The following GTF2I variants were observed in gnomAD, a reference collection of about 807,000 sequenced individuals.
The protein encoded by GTF2I is general transcription factor IIi, also known as general transcription factor II-I.
Under a neutral mutation model 67.6 loss-of-function variants are expected in GTF2I, and 12 were observed. The observed-to-expected ratio is 0.18, with a 90% CI of 0.11 to 0.29. GTF2I has a LOEUF of 0.29. Ranked by LOEUF, GTF2I falls within the 10% of genes least tolerant of loss-of-function variation. The probability of loss-of-function intolerance (pLI) is 1.00; values close to 1 mark genes in which losing one functional copy is unlikely to be tolerated. For missense variants in GTF2I, 271 were observed against 580.1 expected, an observed-to-expected ratio of 0.47 and a Z score of 5.47; for synonymous variants, 149 against 197.0, an observed-to-expected ratio of 0.76 and a Z score of 2.04.
At chr7:74,693,715 G>A (rs1051282199) in intron 3 of GTF2I, among the ~76,000 whole-genome samples, 14 of 152,140 alleles carry the variant, frequency 9.2e-5, no homozygotes, top group African/African-American at 2.7e-4. Flanking sequence ...GTGTGGTGGC[G>A]CGTGCTTGTA....
intron 1 of GTF2I, among the ~76,000 whole-genome samples, chr7:74,687,822 C>T (rs1229974257): frequency 2.6e-5 from 4 of 152,128 alleles, no homozygotes; most frequent in African/African-American, 7.2e-5. Flanking sequence ...TTTACAGTTA[C>T]TATTCTTGTT....
intron 1 of GTF2I, among the ~76,000 whole-genome samples, chr7:74,668,255 G>C (rs1554389340): frequency 7.3e-6 from 1 of 137,676 alleles, no homozygotes; most frequent in South Asian, 2.3e-4. Flanking sequence ...AAGTTCATCT[G>C]TGTGTTAGAA....
intron 1 of GTF2I, among the ~76,000 whole-genome samples, chr7:74,685,970 G>A (rs781884765): frequency 6.6e-6 from 1 of 151,756 alleles, no homozygotes; most frequent in Non-Finnish European, 1.5e-5. Flanking sequence ...GGAGAATGGC[G>A]TGAACCCGGG....
At chr7:74,715,048 G>A (rs1196177511) in intron 10 of GTF2I, 132 bp downstream of exon 10, 7 of 507,332 alleles carry the variant, frequency 1.4e-5, no homozygotes, top group Non-Finnish European at 2.3e-5. Flanking sequence ...AAATGTATTG[G>A]CCTTTTTTTA....
intron 1 of GTF2I, among the ~76,000 whole-genome samples, chr7:74,668,169 A>C (rs1334370641): frequency 7.6e-6 from 1 of 132,180 alleles, no homozygotes; most frequent in African/African-American, 2.7e-5. Context: ...TCAGTGGTGC[A>C]GAACTTTTTT....
chr7:74,732,973 A>T (rs1402870928), intron 15 of GTF2I, among the ~76,000 whole-genome samples: 106 of 149,480 alleles, frequency 7.1e-4, no homozygotes, highest in African/African-American at 1.2e-3. Flanking sequence ...ATATATATAT[A>T]TTTTTTTTTT....
intron 1 of GTF2I, among the ~76,000 whole-genome samples, chr7:74,682,214 A>G (rs1327571893): frequency 3.3e-5 from 5 of 152,248 alleles, no homozygotes; most frequent in Non-Finnish European, 4.4e-5. Flanking sequence ...TGGCTAATTC[A>G]TAAATTGTTC....
chr7:74,697,193 C>T (rs781910618), intron 3 of GTF2I, among the ~76,000 whole-genome samples: 1 of 151,816 alleles, frequency 6.6e-6, no homozygotes, highest in Non-Finnish European at 1.5e-5. Flanking sequence ...GTCAGGAGAT[C>T]GAGACCATGT....
chr7:74,693,972 G>A (rs1722432276), intron 3 of GTF2I, among the ~76,000 whole-genome samples: 1 of 152,248 alleles, frequency 6.6e-6, no homozygotes, highest in Non-Finnish European at 1.5e-5. Context: ...TAGTGAGGAA[G>A]GCATGTCAGC....
chr7:74,705,824 A>G (rs1419112944), intron 7 of GTF2I, among the ~76,000 whole-genome samples: 2 of 151,776 alleles, frequency 1.3e-5, no homozygotes, highest in Non-Finnish European at 2.9e-5. Context: ...TCGGCCTCCC[A>G]AAGTACTGGG....
At chr7:74,724,043 T>C (rs2131474921) in intron 12 of GTF2I, among the ~76,000 whole-genome samples, 1 of 152,324 alleles carries the variant, frequency 6.6e-6, no homozygotes, top group Admixed American at 6.5e-5. Context: ...CTGTTTATTG[T>C]TTAATTCTTG....
At chr7:74,680,099 A>AATATATATATATAT (rs1554393663) in intron 1 of GTF2I, among the ~76,000 whole-genome samples, 4 of 94,976 alleles carry the variant, frequency 4.2e-5, no homozygotes, top group South Asian at 3.3e-4. Context: ...AAAAAAAAAA[A>AATATATATATATAT]ATATATATAT....
At chr7:74,710,307 G>T (rs1283115957) in intron 8 of GTF2I, among the ~76,000 whole-genome samples, 2 of 152,072 alleles carry the variant, frequency 1.3e-5, no homozygotes, top group Non-Finnish European at 2.9e-5. Flanking sequence ...ATGTGTATGT[G>T]CACCCATGCA....
intron 1 of GTF2I, among the ~76,000 whole-genome samples, chr7:74,679,041 A>G (rs587772859): frequency 1.3e-5 from 2 of 150,146 alleles, no homozygotes; most frequent in Admixed American, 1.3e-4. Context: ...AAATGCTGGG[A>G]TTACAGGCAT....
At chr7:74,666,188 T>C (rs1317149454) in intron 1 of GTF2I, among the ~76,000 whole-genome samples, 1 of 152,206 alleles carries the variant, frequency 6.6e-6, no homozygotes, top group Non-Finnish European at 1.5e-5. Context: ...GTATGCTTTA[T>C]ATGTTGTTCA....
chr7:74,700,062 G>A (rs1323174407), intron 4 of GTF2I, 185 bp from the exon 5 acceptor site: 12 of 567,118 alleles, frequency 2.1e-5, no homozygotes, highest in Middle Eastern at 9.4e-4. Context: ...TTGGCCCTTC[G>A]GATCAGTTTC....
In GTF2I at chr7:74,714,837, A is replaced by T. The variant is rs914716581; in HGVS notation, c.764-20A>T. On this transcript the variant is annotated intron_variant, in intron 9 of 34. Transcript: ENST00000573035. ...TTTTGGGGGGGATTACTTTTGAAGT[A>T]TTATCTTTGTATCCCAAAGCAGGCC... The T allele has an allele frequency of 1.3e-6, 2 of 1,571,762 alleles. No individual in the cohort carries two copies. The highest frequency in any genetic ancestry group is 2.7e-5 in the African/African-American group (2 of 73,160).
At chr7:74,688,383 T>C (rs1787934276) in intron 1 of GTF2I, among the ~76,000 whole-genome samples, 1 of 152,150 alleles carries the variant, frequency 6.6e-6, no homozygotes, top group Non-Finnish European at 1.5e-5. Context: ...CTGGCCAGTA[T>C]GTTTTTATAT....
At chr7:74,713,950 T>C (rs1245634572) in intron 9 of GTF2I, among the ~76,000 whole-genome samples, 1 of 152,178 alleles carries the variant, frequency 6.6e-6, no homozygotes, top group Non-Finnish European at 1.5e-5. Flanking sequence ...ATTGATTTTT[T>C]TCTCTGATGT....
Sources: allele counts gnomAD v4.1 joint callset (sites outside exome capture counted in the v4.1 genomes callset), GRCh38; gene constraint gnomAD v4.1.1; transcripts MANE v1.5; gene names NCBI Gene and HGNC (gene_info 2026-07-23, HGNC 2026-07-21).